NAV2: variants seen among roughly 807,000 people sequenced by gnomAD.
The protein encoded by NAV2 is neuron navigator 2, also known as helicase, APC down-regulated 1.
NAV2 carries 54 observed loss-of-function variants against 223.2 expected under a neutral mutation model. The ratio of observed to expected loss-of-function variants is 0.24; its 90% CI spans 0.19 to 0.30. The LOEUF (loss-of-function observed/expected upper bound fraction) is 0.30, where lower values mean the gene tolerates loss of function less well. Among genes scored for constraint, NAV2 ranks in the 10% least tolerant of loss-of-function variants. NAV2 has a pLI of 1.00. For synonymous variants in NAV2, 1,279 were observed against 1,239.3 expected, an observed-to-expected ratio of 1.03 and a Z score of -0.67; for missense variants, 2,806 against 3,147.5, an observed-to-expected ratio of 0.89 and a Z score of 2.60.
intron 1 of NAV2, among the ~76,000 whole-genome samples, chr11:19,696,892 A>G (rs2049358892): frequency 6.6e-6 from 1 of 152,218 alleles, no homozygotes; most frequent in South Asian, 2.1e-4. Flanking sequence ...GTGTTAAGAT[A>G]TGATTTTCCT....
intron 1 of NAV2, among the ~76,000 whole-genome samples, chr11:19,758,923 A>G (rs2054483192): frequency 1.3e-5 from 2 of 152,076 alleles, no homozygotes; most frequent in East Asian, 3.9e-4. Flanking sequence ...TTAATTAATT[A>G]TCCCCCCTGA....
intron 3 of NAV2, among the ~76,000 whole-genome samples, chr11:19,863,209 G>C (rs570031714): frequency 6.6e-6 from 1 of 152,318 alleles, no homozygotes; most frequent in African/African-American, 2.4e-5. Flanking sequence ...CCCAAGGAAT[G>C]AAGAGACCCT....
At chr11:20,026,885 A>T (rs1237340337) in intron 11 of NAV2, among the ~76,000 whole-genome samples, 1 of 152,218 alleles carries the variant, frequency 6.6e-6, no homozygotes, top group Non-Finnish European at 1.5e-5. Context: ...CTGGGAGAAC[A>T]TATGTTACAT....
At chr11:19,473,306 G>A (rs71488711) in intron 1 of NAV2, among the ~76,000 whole-genome samples, 2,200 of 151,864 alleles carry the variant, frequency 0.014, 24 homozygotes, top group Non-Finnish European at 0.025. Flanking sequence ...AGATGGTACA[G>A]ATGGATGAGT....
chr11:19,596,393 C>T (rs1175180586), intron 1 of NAV2, among the ~76,000 whole-genome samples: 2 of 152,224 alleles, frequency 1.3e-5, no homozygotes, highest in Non-Finnish European at 2.9e-5. Context: ...TTCACCGGCT[C>T]CCCAGAAGCC....
chr11:19,806,207 A>G (rs2058552783), intron 1 of NAV2, among the ~76,000 whole-genome samples: 1 of 152,254 alleles, frequency 6.6e-6, no homozygotes, highest in South Asian at 2.1e-4. Flanking sequence ...TGGCTTTGTA[A>G]CCTAATGTAT....
chr11:20,001,078 C>T (rs545066226), intron 11 of NAV2, among the ~76,000 whole-genome samples: 6 of 152,258 alleles, frequency 3.9e-5, no homozygotes, highest in African/African-American at 9.6e-5. Flanking sequence ...CTATCACACC[C>T]GCCTCGTCCC....
intron 1 of NAV2, among the ~76,000 whole-genome samples, chr11:19,556,694 TA>T (rs2044904996): frequency 6.6e-6 from 1 of 152,230 alleles, no homozygotes. Context: ...ATCAAATAAT[TA>T]CTATACCTAT....
chr11:19,487,208 T>G (rs1416144724), intron 1 of NAV2, among the ~76,000 whole-genome samples: 4 of 152,210 alleles, frequency 2.6e-5, no homozygotes, highest in Non-Finnish European at 5.9e-5. Flanking sequence ...CTTAACAATT[T>G]TAGAATGTAA....
chr11:20,089,006 A>G (rs1447818940), intron 26 of NAV2, among the ~76,000 whole-genome samples: 1 of 151,894 alleles, frequency 6.6e-6, no homozygotes, highest in Non-Finnish European at 1.5e-5. Flanking sequence ...TCCCAAACCG[A>G]AGAAAAAAAA....
chr11:19,669,255 T>A (rs1206288751), intron 1 of NAV2, among the ~76,000 whole-genome samples: 1 of 152,232 alleles, frequency 6.6e-6, no homozygotes, highest in African/African-American at 2.4e-5. Flanking sequence ...GACACCTACA[T>A]GCACTGTCAC....
chr11:19,552,090 T>G (rs1042433985), intron 1 of NAV2, among the ~76,000 whole-genome samples: 1 of 152,028 alleles, frequency 6.6e-6, no homozygotes, highest in East Asian at 1.9e-4. Flanking sequence ...GGGCTGAGAC[T>G]GGGGTGGCCT....
At chr11:19,635,048 C>A (rs570735865) in intron 1 of NAV2, among the ~76,000 whole-genome samples, 4 of 152,184 alleles carry the variant, frequency 2.6e-5, no homozygotes, top group Non-Finnish European at 5.9e-5. Flanking sequence ...AGTGGTCCTG[C>A]GCTGGTGTTC....
chr11:19,694,842 C>T (rs2049282848), intron 1 of NAV2, among the ~76,000 whole-genome samples: 1 of 152,200 alleles, frequency 6.6e-6, no homozygotes, highest in African/African-American at 2.4e-5. Context: ...TCCCTTGTAC[C>T]TCTCTAGGTT....
At chr11:19,802,812 T>C (rs1395948003) in intron 1 of NAV2, among the ~76,000 whole-genome samples, 1 of 152,122 alleles carries the variant, frequency 6.6e-6, no homozygotes, top group Non-Finnish European at 1.5e-5. Flanking sequence ...GCAGGACCTC[T>C]GCTCTCCCAC....
At chr11:19,539,367 G>T (rs897768594) in intron 1 of NAV2, among the ~76,000 whole-genome samples, 1 of 152,190 alleles carries the variant, frequency 6.6e-6, no homozygotes, top group African/African-American at 2.4e-5. Flanking sequence ...TTGATAAAAA[G>T]TAGATCCCTC....
At chr11:20,077,490 A>G (rs1410830371) in intron 22 of NAV2, 62 bp from the exon 23 acceptor site, 15 of 1,308,126 alleles carry the variant, frequency 1.1e-5, no homozygotes, top group Non-Finnish European at 1.7e-5. Context: ...TAAGAGCCAG[A>G]CACCTTCTAA....
chr11:19,913,022 T>G (rs1040853446), intron 6 of NAV2, among the ~76,000 whole-genome samples: 1 of 152,194 alleles, frequency 6.6e-6, no homozygotes, highest in Non-Finnish European at 1.5e-5. Flanking sequence ...TTTCTGTGCA[T>G]CAGAGTCGCC....
At chr11:19,822,179 A>G (rs757113411) in intron 1 of NAV2, among the ~76,000 whole-genome samples, 1 of 152,210 alleles carries the variant, frequency 6.6e-6, no homozygotes, top group Non-Finnish European at 1.5e-5. Flanking sequence ...TCTCATTTCA[A>G]TCTCACAGTA....
Sources: allele counts gnomAD v4.1 joint callset (sites outside exome capture counted in the v4.1 genomes callset), GRCh38; gene constraint gnomAD v4.1.1; transcripts MANE v1.5; gene names NCBI Gene and HGNC (gene_info 2026-07-23, HGNC 2026-07-21).